The following DPP7 variants were observed in gnomAD, a reference collection of about 807,000 sequenced individuals.
The protein encoded by DPP7 is dipeptidyl peptidase 7.
DPP7 carries 74 observed loss-of-function variants against 58.8 expected under a neutral mutation model. The observed-to-expected ratio is 1.26, with a 90% confidence interval of 1.04 to 1.53. DPP7 has a LOEUF of 1.53. Among genes scored for constraint, DPP7 ranks in the 40% most tolerant of loss-of-function variants. The pLI is 0.00. For missense variants in DPP7, 807 were observed against 692.3 expected (o/e 1.17, Z -1.86); for synonymous variants, 350 against 303.6 (o/e 1.15, Z -1.59).
In DPP7 at chr9:137,113,949, G is replaced by A; in HGVS notation, c.401C>T (p.Ala134Val). 2.5e-6 allele frequency: 4 copies of A among 1,587,652 alleles called. No individual in the cohort carries two copies. The highest frequency in any genetic ancestry group is 3.4e-6 in the Non-Finnish European group (4 of 1,173,032). Residue 134 changes from alanine to valine, a missense_variant, in exon 4 of 13, where the codon GCC becomes GTC. Ala to Val is a moderately conservative substitution (Grantham distance 64). This residue lies in a region of DPP7 where 624 missense variants were observed against 531.2 expected (regional missense o/e 1.17). Coordinates refer to ENST00000371579, the MANE Select transcript of DPP7 (RefSeq NM_013379.3). Reference sequence around the variant, plus strand: ...GAGCAGCTCTGCGAAGTCGGCCAGGGCCTGCTCCACCGTCAGCAGCTCCGT... The same window carrying A: ...GAGCAGCTCTGCGAAGTCGGCCAGGACCTGCTCCACCGTCAGCAGCTCCGT... ...GHTELLTVEQ[A>V]LADFAELLRA... is the part of the protein sequence containing the mutation.
chr9:137,114,704 C>G lies in DPP7; in HGVS notation c.10G>C (p.Ala4Pro). The G allele has an allele frequency of 7.7e-7, 1 of 1,305,636 alleles. No homozygotes were observed. Among genetic ancestry groups the G allele is most frequent in the Non-Finnish European group, 9.7e-7 (1 of 1,029,120 alleles). 80.9% of individuals were successfully genotyped at this position (1,305,636 alleles called of 1,614,324 possible). A position where few individuals can be genotyped will look rare whatever the true frequency, so the allele number is the denominator to read the frequency against. Residue 4 changes from alanine (A) to proline (P), a missense_variant, in exon 1 of 13, where the codon GCT becomes CCT. Ala to Pro is a conservative substitution (Grantham distance 27). Coordinates refer to ENST00000371579, the MANE Select transcript of DPP7 (RefSeq NM_013379.3). MGS[A>P]PWAPVLLLAL... Reference sequence around the variant, plus strand: ...AGCAGCAGGACCGGGGCCCAGGGAGCGGAGCCCATGTCGCCTTCCGCGGGC... The same window carrying G: ...AGCAGCAGGACCGGGGCCCAGGGAGGGGAGCCCATGTCGCCTTCCGCGGGC...
intron 4 of DPP7, 130 bp downstream of exon 4, chr9:137,113,735 G>T: frequency 7.0e-7 from 1 of 1,419,462 alleles, no homozygotes; most frequent in South Asian, 1.5e-5. Flanking sequence ...GCAACACTAA[G>T]CCTGGAACCA....
At chr9:137,113,817 G>T (rs1481810096) in intron 4 of DPP7, 48 bp downstream of exon 4, 2 of 1,407,872 alleles carry the variant, frequency 1.4e-6, no homozygotes, top group Admixed American at 2.5e-5. Flanking sequence ...GGGGCGCTGG[G>T]TCGGGGCAGG....
intron 8 of DPP7, 25 bp from the exon 9 acceptor site, chr9:137,112,255 C>T (rs1370216119): frequency 6.3e-7 from 1 of 1,578,480 alleles, no homozygotes; most frequent in Non-Finnish European, 8.6e-7. Context: ...CGCTGGGGCC[C>T]AGCGGCCACA....
upstream of DPP7, chr9:137,114,946 C>T (rs1443312194): frequency 6.0e-6 from 2 of 330,800 alleles, no homozygotes; most frequent in Admixed American, 4.9e-5. Context: ...ATCTCCGCGG[C>T]CTCCCGCCCC....
upstream of DPP7, among the ~76,000 whole-genome samples, chr9:137,115,456 G>T (rs565371459): frequency 2.6e-5 from 4 of 152,310 alleles, no homozygotes; most frequent in East Asian, 7.7e-4. Flanking sequence ...GGGTGAGGGG[G>T]CCGTAGTGGT....
chr9:137,114,419 GCGGCGGGA>G (rs763072512), intron 2 of DPP7, 36 bp downstream of exon 2: 4 of 1,567,128 alleles, frequency 2.6e-6, no homozygotes, highest in East Asian at 2.4e-5. Flanking sequence ...GTGCCGGGGG[GCGGCGGGA>G]CGGCGGGGGC....
In DPP7 at chr9:137,112,305, C is replaced by T. The variant is rs770127923; in HGVS notation, c.932-75G>A. ...GGGCTCCGGCCACCAACCTGTCCCC[C>T]CTCGGAATGGTCCTGCAGGGGATCT... On this transcript the variant is annotated intron_variant, in intron 8 of 12. Transcript: ENST00000371579. The T allele has an allele frequency of 5.6e-6, 7 of 1,256,450 alleles. No homozygotes were observed. The African/African-American group carries it at 1.0e-4, about 19-fold the overall frequency. 77.8% of individuals were successfully genotyped at this position (1,256,450 alleles called of 1,614,324 possible).
Position 137,112,739 on chromosome 9 carries a change from G to A in DPP7, c.931+6C>T. 3 of 1,598,090 alleles carry A rather than the reference G, an allele frequency of 1.9e-6. No homozygotes were observed. The highest frequency in any genetic ancestry group is 1.7e-6 in the Non-Finnish European group (2 of 1,175,514). ...ACTTGCCCATCTGGGGCCGGGGGAA[G>A]GGCACCTGCCAGTGCTCGCAGCCCC... On this transcript the variant is annotated splice_donor_region_variant and intron_variant, in intron 8 of 12. Coordinates refer to ENST00000371579, the MANE Select transcript of DPP7 (RefSeq NM_013379.3).
chr9:137,112,096 A>ACCCACACC lies in DPP7; in HGVS notation c.1050+8_1050+15dup. 1 of 1,611,744 alleles carries ACCCACACC rather than the reference A, an allele frequency of 6.2e-7. No individual in the cohort carries two copies. Among genetic ancestry groups the ACCCACACC allele is most frequent in the Non-Finnish European group, 8.5e-7 (1 of 1,179,422 alleles). On this transcript the variant is annotated intron_variant, in intron 9 of 12. Transcript: ENST00000371579. The stretch of plus-strand genomic sequence containing the variant: ...CCTTGCCCCCGAGTGGTTCCAGGCC[A>ACCCACACC]CCCACACCCCCACACCTGGTAGTCC...
In DPP7 at chr9:137,113,935, C is replaced by A; in HGVS notation, c.415G>T (p.Ala139Ser). 6.3e-7 allele frequency: 1 copy of A among 1,585,202 alleles called. No individual in the cohort carries two copies. Among genetic ancestry groups the A allele is most frequent in the Non-Finnish European group, 8.5e-7 (1 of 1,172,212 alleles). ...CGTCGTAGCGCGCGGAGCAGCTCTG[C>A]GAAGTCGGCCAGGGCCTGCTCCACC... ...LTVEQALADF[A>S]ELLRALRRDL... Residue 139 changes from alanine to serine, a missense_variant, in exon 4 of 13, where the codon GCA becomes TCA. Physicochemically the swap from Ala to Ser is moderately conservative, Grantham distance 99. Transcript: ENST00000371579.
Position 137,110,560 on chromosome 9 carries a change from C to T in DPP7, c.*88G>A, listed in dbSNP as rs1224524810. On this transcript the variant is annotated 3_prime_UTR_variant, in exon 13 of 13. Coordinates refer to ENST00000371579, the MANE Select transcript of DPP7 (RefSeq NM_013379.3). ...GGACATACATGGCCAGGCCTCCAGGCGTTTATTCAGCCCCTTCCCTCTGCC... is the reference window on the plus strand; with the variant it reads ...GGACATACATGGCCAGGCCTCCAGGTGTTTATTCAGCCCCTTCCCTCTGCC... 23 of 1,507,836 alleles carry T rather than the reference C, an allele frequency of 1.5e-5. No individual in the cohort carries two copies. The East Asian group carries it at 3.0e-4, about 20-fold the overall frequency. The allele number at this position is 1,507,836 out of a possible 1,614,324, so 93.4% of individuals were successfully genotyped here.
At chr9:137,116,222 C>G (rs2131163144), upstream of DPP7, among the ~76,000 whole-genome samples, 1 of 152,348 alleles carries the variant, frequency 6.6e-6, no homozygotes, top group South Asian at 2.1e-4. Context: ...CCAGGGCCTC[C>G]CAAGCCGGGA....
At position 137,113,067 on chromosome 9, in the gene DPP7, C is replaced by G. The variant is rs1437620808; in HGVS notation, c.756G>C (p.Glu252Asp). Residue 252 changes from glutamate (E) to aspartate (D), a missense_variant, in exon 7 of 13, where the codon GAG (glutamate) becomes GAC (aspartate). Transcript: ENST00000371579. ...ACATGAAGAGCTGGGTCAGGTCCTT[C>G]TCGTCTGACAGCGGCTGGCAGGTGC... ...EFGTCQPLSD[E>D]KDLTQLFMFA... 5 of 1,613,828 alleles carry G rather than the reference C, an allele frequency of 3.1e-6. No individual in the cohort carries two copies. In the African/African-American group the frequency reaches 6.7e-5, roughly 22 times the overall value.
At chr9:137,112,081 G>T in intron 9 of DPP7, 31 bp downstream of exon 9, 2 of 1,612,086 alleles carry the variant, frequency 1.2e-6, no homozygotes, top group Non-Finnish European at 1.7e-6. Flanking sequence ...CCTTGCCCCC[G>T]AGTGGTTCCA....
chr9:137,111,616 C>T lies in DPP7; in HGVS notation c.1272+74G>A, dbSNP rs1003311379. ...TCTCGCCACTGTATTCCAGCCTGGG[C>T]GCCAGAGAAAGACCCTGTCTCAAAA... On this transcript the variant is annotated intron_variant, in intron 11 of 12. Coordinates refer to ENST00000371579, the MANE Select transcript of DPP7 (RefSeq NM_013379.3). 2.3e-5 allele frequency: 35 copies of T among 1,530,366 alleles called. No homozygotes were observed. The Admixed American group carries it at 2.5e-4, about 11-fold the overall frequency. 94.8% of individuals were successfully genotyped at this position (1,530,366 alleles called of 1,614,324 possible). A position where few individuals can be genotyped will look rare whatever the true frequency, so the allele number is the denominator to read the frequency against.
At position 137,110,864 on chromosome 9, in the gene DPP7, C is replaced by T. The variant is rs564142969; in HGVS notation, c.1343+16G>A. On this transcript the variant is annotated intron_variant, in intron 12 of 12. Coordinates refer to ENST00000371579, the MANE Select transcript of DPP7 (RefSeq NM_013379.3). ...CGCCCGACCCGCGACCACCGCCAGG[C>T]CACCTCCCTCCGCACCTGAGGTCGA... 5 of 1,609,844 alleles carry T rather than the reference C, an allele frequency of 3.1e-6. No individual in the cohort carries two copies. Among genetic ancestry groups the T allele is most frequent in the East Asian group, 2.2e-5 (1 of 44,822 alleles).
upstream of DPP7, among the ~76,000 whole-genome samples, chr9:137,115,609 C>A (rs1302296901): frequency 6.6e-6 from 1 of 152,178 alleles, no homozygotes; most frequent in East Asian, 1.9e-4. Flanking sequence ...GCCAGCATGA[C>A]CCTGCCCTGC....
intron 12 of DPP7, 21 bp from the exon 13 acceptor site, chr9:137,110,804 G>A (rs112261926): frequency 0.03 from 48,469 of 1,601,832 alleles, 823 homozygotes; most frequent in Admixed American, 0.064. Flanking sequence ...GGCACAGAGG[G>A]GGCCCGTCAG....
Sources: allele counts gnomAD v4.1 joint callset (sites outside exome capture counted in the v4.1 genomes callset), GRCh38; gene constraint gnomAD v4.1.1; regional missense constraint gnomAD v4.1.1; transcripts MANE v1.5; gene names NCBI Gene and HGNC (gene_info 2026-07-23, HGNC 2026-07-21).